Variants in OR2C3 observed in about 807,000 individuals in gnomAD.
OR2C3 encodes olfactory receptor family 2 subfamily C member 3, also known as olfactory receptor 2C3.
For missense variants in OR2C3, 425 were observed against 401.5 expected (o/e 1.06, Z -0.50); for synonymous variants, 178 against 163.4 (o/e 1.09, Z -0.68).
chr1:247,526,470 C>T lies in OR2C3; in HGVS notation c.*5079G>A, dbSNP rs1332362305. 2 of 158,652 alleles carry T rather than the reference C, an allele frequency of 1.3e-5. No homozygotes were observed. The highest frequency in any genetic ancestry group is 6.1e-5 in the Admixed American group (1 of 16,266). The allele number at this position is 158,652 out of a possible 1,614,324, so 9.8% of individuals were successfully genotyped here. A position where few individuals can be genotyped will look rare whatever the true frequency, so the allele number is the denominator to read the frequency against. On this transcript the variant is annotated 3_prime_UTR_variant, in exon 3 of 3. Coordinates refer to ENST00000641802, the MANE Select transcript of OR2C3 (RefSeq NM_198074.6). The surrounding 1 kb of genome is among the most constrained non-coding windows in gnomAD (Gnocchi z 4.8). ...AAGGACAAAGAGGGTTTGGCCATGA[C>T]CAAGGGTGACTGGTGCTCCATCCTT...
In OR2C3 at chr1:247,536,213, TG is replaced by T. The variant is rs1237701076; in HGVS notation, c.-448del. The stretch of plus-strand genomic sequence containing the variant: ...CATCTCTATTTATGCAGGGTGGAAA[TG>T]TTGTAAAATGGGCAATATTTTATTA... On this transcript the variant is annotated 5_prime_UTR_variant, in exon 1 of 3. It removes the in-frame stop codon of an upstream open reading frame in the 5' UTR. Transcript: ENST00000641802. The T allele has an allele frequency of 6.6e-6, 1 of 152,128 alleles. No individual in the cohort carries two copies. The highest frequency in any genetic ancestry group is 1.5e-5 in the Non-Finnish European group (1 of 68,028). The allele number at this position is 152,128 out of a possible 1,614,324, so 9.4% of individuals were successfully genotyped here.
Position 247,532,085 on chromosome 1 carries a change from G to T in OR2C3, c.427C>A (p.Leu143Ile), listed in dbSNP as rs751229065. The T allele has an allele frequency of 1.2e-6, 2 of 1,613,980 alleles. No homozygotes were observed. The highest frequency in any genetic ancestry group is 2.7e-5 in the African/African-American group (2 of 74,910). The change falls in exon 3 of 3, where the codon CTT becomes ATT. Residue 143 changes from leucine to isoleucine, a missense_variant. Leu to Ile is a conservative substitution (Grantham distance 5). Transcript: ENST00000641802. ...AGCCAGGAGGCCAAAGCTAGCCCAAGGCAAAGCTGTGGATGCATAATGACA... is the reference window on the plus strand; with the variant it reads ...AGCCAGGAGGCCAAAGCTAGCCCAATGCAAAGCTGTGGATGCATAATGACA... ...YTVIMHPQLC[L>I]GLALASWLGG...
intron 1 of OR2C3, among the ~76,000 whole-genome samples, chr1:247,534,617 A>C (rs1399325018): frequency 2.0e-5 from 3 of 152,162 alleles, no homozygotes; most frequent in Non-Finnish European, 2.9e-5. Context: ...CAAAACATTA[A>C]TTCTAGCCTG....
intron 1 of OR2C3, among the ~76,000 whole-genome samples, chr1:247,535,800 T>G (rs1434777764): frequency 1.3e-5 from 2 of 152,198 alleles, no homozygotes; most frequent in Non-Finnish European, 2.9e-5. Context: ...AAATAGCGTT[T>G]TCAGTAAAGG....
At position 247,531,814 on chromosome 1, in the gene OR2C3, TCTG is replaced by T. The variant is rs1234913917; in HGVS notation, c.695_697del (p.Ala232del). 1.9e-5 allele frequency: 31 copies of T among 1,614,180 alleles called. No homozygotes were observed. The Admixed American group carries it at 2.2e-4, about 11-fold the overall frequency. Reference sequence around the variant, plus strand: ...GGTGTTGAATGCCTTTCTCCGCCCTTCTGCTGACCTGATCTTCAACACGGCCCG... The same window carrying T: ...GGTGTTGAATGCCTTTCTCCGCCCTTCTGACCTGATCTTCAACACGGCCCG... On this transcript the variant is annotated inframe_deletion, in exon 3 of 3. Coordinates refer to ENST00000641802, the MANE Select transcript of OR2C3 (RefSeq NM_198074.6).
rs1667100751 is a variant in OR2C3, at chr1:247,533,677, C to A, written c.-200G>T. On this transcript the variant is annotated 5_prime_UTR_variant, in exon 2 of 3. The change abolishes the stop of an existing upstream ORF in the 5' untranslated region. Transcript: ENST00000641802. ...ATGCCCTTCATGTTCAATCATATTT[C>A]TACATGGCTGTCCATATGGCTTTGA... is the stretch of plus-strand genomic sequence containing the variant. 2 of 152,218 alleles carry A rather than the reference C, an allele frequency of 1.3e-5. No individual in the cohort carries two copies. Among genetic ancestry groups the A allele is most frequent in the Admixed American group, 1.3e-4 (2 of 15,288 alleles). The allele number at this position is 152,218 out of a possible 1,614,324, so 9.4% of individuals were successfully genotyped here.
chr1:247,525,236 A>C lies in OR2C3; in HGVS notation c.*6313T>G, dbSNP rs1373943686. On this transcript the variant is annotated 3_prime_UTR_variant, in exon 3 of 3. Transcript: ENST00000641802. ...GTGATGGGGTTAAGCCCATACACCAAGCAAACAATCAATCCTATGGCAGAC... is the reference window on the plus strand; with the variant it reads ...GTGATGGGGTTAAGCCCATACACCACGCAAACAATCAATCCTATGGCAGAC... The C allele has an allele frequency of 6.6e-6, 1 of 152,246 alleles. No individual in the cohort carries two copies. The highest frequency in any genetic ancestry group is 1.5e-5 in the Non-Finnish European group (1 of 68,054). 9.4% of individuals were successfully genotyped at this position (152,246 alleles called of 1,614,324 possible). A position where few individuals can be genotyped will look rare whatever the true frequency, so the allele number is the denominator to read the frequency against.
In OR2C3 at chr1:247,532,272, T is replaced by G. The variant is rs770826006; in HGVS notation, c.240A>C (p.Pro80=). Residue 80 remains proline (P), a synonymous_variant, in exon 3 of 3, where the codon CCA becomes CCC. Coordinates refer to ENST00000641802, the MANE Select transcript of OR2C3 (RefSeq NM_198074.6). ...LDMSFTTSIV[P]QLLANLWGPQ... is the part of the protein sequence containing the mutation. ...GTCCCCAGAGGTTAGCCAGGAGCTG[T>G]GGGACAATGCTCGTGGTGAAGCTCA... 5 of 1,614,062 alleles carry G rather than the reference T, an allele frequency of 3.1e-6. No individual in the cohort carries two copies. In the African/African-American group the frequency reaches 6.7e-5, roughly 22 times the overall value.
chr1:247,527,000 C>T lies in OR2C3; in HGVS notation c.*4549G>A, dbSNP rs1179058251. 1 of 456,594 alleles carries T rather than the reference C, an allele frequency of 2.2e-6. No individual in the cohort carries two copies. Among genetic ancestry groups the T allele is most frequent in the East Asian group, 6.9e-5 (1 of 14,412 alleles). The allele number at this position is 456,594 out of a possible 1,614,324, so 28.3% of individuals were successfully genotyped here. The stretch of plus-strand genomic sequence containing the variant: ...CCAATAGTTCTACTGGATGTGGAGC[C>T]AGAAATTGTGTGGAATGCCTGGTGT... On this transcript the variant is annotated 3_prime_UTR_variant, in exon 3 of 3. Coordinates refer to ENST00000641802, the MANE Select transcript of OR2C3 (RefSeq NM_198074.6). This position sits in a 1 kb window ranked among gnomAD's most constrained non-coding sequence, Gnocchi z 4.8.
rs1411194445 is a variant in OR2C3 at position 247,531,827 on chromosome 1, T to G, written c.685A>C (p.Ile229Leu). Residue 229 changes from isoleucine to leucine, a missense_variant, in exon 3 of 3, where the codon ATC becomes CTC. Coordinates refer to ENST00000641802, the MANE Select transcript of OR2C3 (RefSeq NM_198074.6). ...YGHIARAVLKIRSAEGRRKAF... is the reference protein window; with the variant it reads ...YGHIARAVLKLRSAEGRRKAF... The stretch of plus-strand genomic sequence containing the variant: ...TTTCTCCGCCCTTCTGCTGACCTGA[T>G]CTTCAACACGGCCCGGGCAATGTGG... 3 of 1,614,004 alleles carry G rather than the reference T, an allele frequency of 1.9e-6. No homozygotes were observed. The highest frequency in any genetic ancestry group is 1.3e-5 in the African/African-American group (1 of 74,886).
In OR2C3 at chr1:247,532,081, C is replaced by G; in HGVS notation, c.431G>C (p.Gly144Ala). 6.2e-7 allele frequency: 1 copy of G among 1,614,012 alleles called. No homozygotes were observed. The highest frequency in any genetic ancestry group is 1.1e-5 in the South Asian group (1 of 91,066). ...TVIMHPQLCLGLALASWLGGL... is the reference protein window; with the variant it reads ...TVIMHPQLCLALALASWLGGL... ...CCCCAGCCAGGAGGCCAAAGCTAGC[C>G]CAAGGCAAAGCTGTGGATGCATAAT... The change falls in exon 3 of 3, where the codon GGG becomes GCG. Residue 144 changes from glycine (G) to alanine (A), a missense_variant. By Grantham distance (60) the Gly-to-Ala change is moderately conservative. Transcript: ENST00000641802.
chr1:247,533,394 A>G (rs957752402), intron 2 of OR2C3, 113 bp downstream of exon 2: 16 of 152,216 alleles, frequency 1.1e-4, no homozygotes, highest in African/African-American at 3.6e-4. Context: ...GGTGACACAT[A>G]GAAACCAGAG....
intron 1 of OR2C3, among the ~76,000 whole-genome samples, chr1:247,534,417 C>T (rs1480163240): frequency 6.6e-6 from 1 of 152,150 alleles, no homozygotes; most frequent in Admixed American, 6.5e-5. Flanking sequence ...TCAGCATAAA[C>T]TTTCGGTAGT....
At position 247,532,234 on chromosome 1, in the gene OR2C3, A is replaced by G; in HGVS notation, c.278T>C (p.Ile93Thr). 6.2e-7 allele frequency: 1 copy of G among 1,614,164 alleles called. No homozygotes were observed. The highest frequency in any genetic ancestry group is 8.5e-7 in the Non-Finnish European group (1 of 1,180,016). ...CTGGACCACACACCCTCCATAGCTT[A>G]TGGTTTTCTGTGGTCCCCAGAGGTT... ...LANLWGPQKT[I>T]SYGGCVVQFY... Residue 93 changes from isoleucine to threonine, a missense_variant, in exon 3 of 3, where the codon ATA (isoleucine) becomes ACA (threonine). Physicochemically the swap from Ile to Thr is moderately conservative, Grantham distance 89. Coordinates refer to ENST00000641802, the MANE Select transcript of OR2C3 (RefSeq NM_198074.6).
chr1:247,532,671 G>A (rs1040666184), intron 2 of OR2C3, 131 bp from the exon 3 acceptor site: 21 of 713,248 alleles, frequency 2.9e-5, no homozygotes, highest in African/African-American at 2.3e-4. Flanking sequence ...TGTGTTGCCC[G>A]GGCTAACTTC....
In OR2C3 at chr1:247,527,207, C is replaced by A. The variant is rs1666716096; in HGVS notation, c.*4342G>T. On this transcript the variant is annotated 3_prime_UTR_variant, in exon 3 of 3. Coordinates refer to ENST00000641802, the MANE Select transcript of OR2C3 (RefSeq NM_198074.6). The surrounding 1 kb of genome is among the most constrained non-coding windows in gnomAD (Gnocchi z 4.6). ...GAGAGTGTGAGTTATGGTCATCATT[C>A]TCCTCTGTGCCAAACAGGGGCTGAT... 2 of 394,728 alleles carry A rather than the reference C, an allele frequency of 5.1e-6. No homozygotes were observed. The highest frequency in any genetic ancestry group is 5.1e-6 in the Non-Finnish European group (1 of 198,012). The allele number at this position is 394,728 out of a possible 1,614,324, so 24.5% of individuals were successfully genotyped here.
rs1666778964 is a variant in OR2C3 at position 247,528,527 on chromosome 1, C to T, written c.*3022G>A. On this transcript the variant is annotated 3_prime_UTR_variant, in exon 3 of 3. Coordinates refer to ENST00000641802, the MANE Select transcript of OR2C3 (RefSeq NM_198074.6). Reference sequence around the variant, plus strand: ...AGCCAACTGTTAAAGAAGGAAAAAGCATGGGCCAGTTTACAAATGAATCTG... The same window carrying T: ...AGCCAACTGTTAAAGAAGGAAAAAGTATGGGCCAGTTTACAAATGAATCTG... The T allele has an allele frequency of 6.6e-6, 1 of 152,174 alleles. No individual in the cohort carries two copies. The highest frequency in any genetic ancestry group is 1.5e-5 in the Non-Finnish European group (1 of 68,044). 9.4% of individuals were successfully genotyped at this position (152,174 alleles called of 1,614,324 possible). A position where few individuals can be genotyped will look rare whatever the true frequency, so the allele number is the denominator to read the frequency against.
chr1:247,532,452 T>C lies in OR2C3; in HGVS notation c.60A>G (p.Thr20=). Residue 20 remains threonine, a synonymous_variant, in exon 3 of 3, where the codon ACA becomes ACG. Coordinates refer to ENST00000641802, the MANE Select transcript of OR2C3 (RefSeq NM_198074.6). The stretch of plus-strand genomic sequence containing the variant: ...AGAGGACAGTTTCTAGTGAGGGTCG[T>C]GTGGAGAAGCCCAGGAGGACAAAGA... ...PEVFVLLGFS[T]RPSLETVLFI... is the part of the protein sequence containing the mutation. 1 of 1,613,934 alleles carries C rather than the reference T, an allele frequency of 6.2e-7. No individual in the cohort carries two copies. The highest frequency in any genetic ancestry group is 8.5e-7 in the Non-Finnish European group (1 of 1,179,900).
rs973739588 is a variant in OR2C3 at position 247,526,300 on chromosome 1, A to G, written c.*5249T>C. ...TTTTAAAGTTTATATTTTTTACTCT[A>G]TCTGGCTCATAATACCTGACCTAAA... is the stretch of plus-strand genomic sequence containing the variant. On this transcript the variant is annotated 3_prime_UTR_variant, in exon 3 of 3. Coordinates refer to ENST00000641802, the MANE Select transcript of OR2C3 (RefSeq NM_198074.6). The surrounding 1 kb of genome is among the most constrained non-coding windows in gnomAD (Gnocchi z 4.8). 8 of 152,160 alleles carry G rather than the reference A, an allele frequency of 5.3e-5. No individual in the cohort carries two copies. Among genetic ancestry groups the G allele is most frequent in the Non-Finnish European group, 8.8e-5 (6 of 68,028 alleles). 9.4% of individuals were successfully genotyped at this position (152,160 alleles called of 1,614,324 possible). A position where few individuals can be genotyped will look rare whatever the true frequency, so the allele number is the denominator to read the frequency against.
Sources: gnomAD v4.1 joint callset for allele counts (sites outside exome capture counted in the v4.1 genomes callset) on GRCh38, gnomAD v4.1.1 for gene constraint, Gnocchi (gnomAD v3.1) non-coding constraint, MANE v1.5 for transcripts, NCBI Gene and HGNC (gene_info 2026-07-23, HGNC 2026-07-21) for gene names.